FNDC1: variants seen among roughly 807,000 people sequenced by gnomAD.
FNDC1 encodes the protein fibronectin type III domain containing 1.
A neutral mutation model predicts 168.0 loss-of-function variants in FNDC1; 96 were observed. The observed-to-expected ratio is 0.57, with a 90% CI of 0.48 to 0.68. The LOEUF is 0.68. Ranked by LOEUF, FNDC1 falls within the 30% of genes least tolerant of loss-of-function variation. The pLI, the probability that FNDC1 is intolerant of heterozygous loss-of-function variation, is 0.00. For missense variants in FNDC1, 2,587 were observed against 2,482.1 expected (o/e 1.04, Z -0.90); for synonymous variants, 1,099 against 1,025.9 (o/e 1.07, Z -1.36).
At chr6:159,220,029 A>G (rs1004992790) in intron 5 of FNDC1, among the ~76,000 whole-genome samples, 2 of 152,164 alleles carry the variant, frequency 1.3e-5, no homozygotes, top group Non-Finnish European at 2.9e-5. Flanking sequence ...CCCTTTTATA[A>G]AACATTTTAA....
At chr6:159,238,097 C>CT (rs61358656) in intron 12 of FNDC1, among the ~76,000 whole-genome samples, 96 of 135,082 alleles carry the variant, frequency 7.1e-4, no homozygotes, top group East Asian at 6.8e-3. Context: ...CTGTTTTGTA[C>CT]TTTTTTTTTT....
At chr6:159,210,822 C>T (rs442580) in intron 4 of FNDC1, among the ~76,000 whole-genome samples, 48,701 of 152,036 alleles carry the variant, frequency 0.32, 9,084 homozygotes, top group African/African-American at 0.53. Context: ...TATCAGCAGC[C>T]GACCTTCACT....
At chr6:159,266,350 C>T (rs1490019349) in intron 21 of FNDC1, 105 bp downstream of exon 21, 18 of 1,184,746 alleles carry the variant, frequency 1.5e-5, no homozygotes, top group Non-Finnish European at 2.0e-5. Context: ...AGGGCTGGAG[C>T]TACGACTATG....
In FNDC1 at chr6:159,225,563, G is replaced by T. The variant is rs767679989; in HGVS notation, c.913G>T (p.Gly305Trp). 12 of 1,613,634 alleles carry T rather than the reference G, an allele frequency of 7.4e-6. No individual in the cohort carries two copies. Among genetic ancestry groups the T allele is most frequent in the Non-Finnish European group, 4.2e-6 (5 of 1,179,688 alleles). ...GTACACCGTGCGCTATCGAGAGAAG[G>T]GGGAATTGGCCAGGTGGGATTATAA... ...RQYTVRYREKGELARWDYKQI... is the reference protein window; with the variant it reads ...RQYTVRYREKWELARWDYKQI... The change falls in exon 8 of 23, where the codon GGG (glycine) becomes TGG (tryptophan). Residue 305 changes from glycine to tryptophan, a missense_variant. Coordinates refer to ENST00000297267, the MANE Select transcript of FNDC1 (RefSeq NM_032532.3).
chr6:159,217,785 A>G (rs1377608745), intron 5 of FNDC1, among the ~76,000 whole-genome samples: 1 of 152,150 alleles, frequency 6.6e-6, no homozygotes, highest in Non-Finnish European at 1.5e-5. Flanking sequence ...GAGACCAGCC[A>G]CCCCTCTGTT....
At chr6:159,171,238 G>T (rs1448916655) in intron 1 of FNDC1, among the ~76,000 whole-genome samples, 4 of 152,156 alleles carry the variant, frequency 2.6e-5, no homozygotes, top group African/African-American at 7.2e-5. Context: ...CTGTGTTGAC[G>T]TGGGATCTAC....
In FNDC1 at chr6:159,233,416, G is replaced by A; in HGVS notation, c.2904G>A (p.Gln968=). ...ADTEGHSPKA[Q]PGSTDRHASP... ...CGGAGGGTCATTCTCCCAAAGCACAGCCAGGGTCCACAGACCGCCACGCGT... is the reference window on the plus strand; with the variant it reads ...CGGAGGGTCATTCTCCCAAAGCACAACCAGGGTCCACAGACCGCCACGCGT... Residue 968 remains glutamine, a synonymous_variant, in exon 11 of 23, where the codon CAG becomes CAA. Coordinates refer to ENST00000297267, the MANE Select transcript of FNDC1 (RefSeq NM_032532.3). The surrounding 1 kb of genome is among the most constrained non-coding windows in gnomAD (Gnocchi z 4.6). 2 of 1,612,606 alleles carry A rather than the reference G, an allele frequency of 1.2e-6. No homozygotes were observed. The highest frequency in any genetic ancestry group is 1.7e-6 in the Non-Finnish European group (2 of 1,179,672).
intron 5 of FNDC1, among the ~76,000 whole-genome samples, chr6:159,217,802 G>A (rs1782737439): frequency 6.6e-6 from 1 of 152,234 alleles, no homozygotes; most frequent in Non-Finnish European, 1.5e-5. Context: ...TGTTGCAGCG[G>A]CATGTGAAAT....
intron 12 of FNDC1, 105 bp downstream of exon 12, chr6:159,236,420 C>T (rs1415338908): frequency 1.3e-6 from 1 of 760,700 alleles, no homozygotes; most frequent in East Asian, 2.7e-5. Flanking sequence ...GTTTGTTCTT[C>T]TTCTCTAGTT....
chr6:159,269,609 A>G lies in FNDC1; in HGVS notation c.5569+1683A>G, dbSNP rs200056535. On this transcript the variant is annotated intron_variant, in intron 22 of 22. Coordinates refer to ENST00000297267, the MANE Select transcript of FNDC1 (RefSeq NM_032532.3). ...TGTCTGTCTGTCTGTCTATCTATCTATCTATCTATCTATCTATCTATCTAT... is the reference window on the plus strand; with the variant it reads ...TGTCTGTCTGTCTGTCTATCTATCTGTCTATCTATCTATCTATCTATCTAT... Among the ~76,000 whole-genome samples, 615 of 138,624 alleles carry G rather than the reference A, an allele frequency of 4.4e-3. 1 individual carries two copies. Among genetic ancestry groups the G allele is most frequent in the African/African-American group, 9.8e-3 (347 of 35,332 alleles). The allele number at this position is 138,624 out of a possible 152,430, so 90.9% of individuals were successfully genotyped here.
intron 1 of FNDC1, among the ~76,000 whole-genome samples, chr6:159,193,386 G>A (rs1782179017): frequency 6.6e-6 from 1 of 152,092 alleles, no homozygotes; most frequent in Admixed American, 6.6e-5. Context: ...AGCATTTCAT[G>A]GTCTTCATTA....
intron 1 of FNDC1, among the ~76,000 whole-genome samples, chr6:159,191,511 T>C (rs1358187679): frequency 6.6e-6 from 1 of 152,260 alleles, no homozygotes; most frequent in African/African-American, 2.4e-5. Flanking sequence ...TATTTGGTTT[T>C]ACCTATTCAA....
chr6:159,183,496 G>A (rs1781925499), intron 1 of FNDC1, among the ~76,000 whole-genome samples: 1 of 152,216 alleles, frequency 6.6e-6, no homozygotes. Flanking sequence ...AGCCAGGCTG[G>A]AGTTGGGAAT....
At chr6:159,227,450 C>T (rs1782976412) in intron 9 of FNDC1, among the ~76,000 whole-genome samples, 1 of 152,090 alleles carries the variant, frequency 6.6e-6, no homozygotes, top group Non-Finnish European at 1.5e-5. Flanking sequence ...CTACTAGTCT[C>T]CTTTGAGAAT....
intron 4 of FNDC1, among the ~76,000 whole-genome samples, chr6:159,207,213 C>A (rs1424811283): frequency 6.6e-6 from 1 of 152,148 alleles, no homozygotes; most frequent in African/African-American, 2.4e-5. Context: ...AAATCACAGG[C>A]ATTTCACGTG....
intron 1 of FNDC1, among the ~76,000 whole-genome samples, chr6:159,195,487 G>T (rs1189363054): frequency 6.6e-6 from 1 of 152,096 alleles, no homozygotes; most frequent in African/African-American, 2.4e-5. Flanking sequence ...CAGTGGATAT[G>T]GTCATCGATC....
intron 1 of FNDC1, 91 bp from the exon 2 acceptor site, chr6:159,197,340 A>G: frequency 8.4e-7 from 1 of 1,194,488 alleles, no homozygotes; most frequent in South Asian, 1.5e-5. Flanking sequence ...AACGTCATTT[A>G]CTGTTTTCCT....
Position 159,231,920 on chromosome 6 carries a change from G to C in FNDC1, c.1408G>C (p.Gly470Arg), listed in dbSNP as rs1046247420. 5.0e-6 allele frequency: 8 copies of C among 1,612,622 alleles called. No individual in the cohort carries two copies. Among genetic ancestry groups the C allele is most frequent in the Non-Finnish European group, 6.8e-6 (8 of 1,179,554 alleles). Reference sequence around the variant, plus strand: ...TGTTGAGCAGAACACGGAGGACAATGGGAAACCCGAAAAACCTGAGCCTTC... The same window carrying C: ...TGTTGAGCAGAACACGGAGGACAATCGGAAACCCGAAAAACCTGAGCCTTC... ...ADVEQNTEDN[G>R]KPEKPEPSSP... The change falls in exon 11 of 23, where the codon GGG becomes CGG. Residue 470 changes from glycine (G) to arginine (R), a missense_variant. Physicochemically the swap from Gly to Arg is moderately radical, Grantham distance 125 (BLOSUM62 -2). Coordinates refer to ENST00000297267, the MANE Select transcript of FNDC1 (RefSeq NM_032532.3).
intron 1 of FNDC1, among the ~76,000 whole-genome samples, chr6:159,196,631 A>C (rs531370986): frequency 1.4e-4 from 22 of 152,284 alleles, no homozygotes; most frequent in African/African-American, 4.6e-4. Flanking sequence ...TTTCAGTTCC[A>C]GGTTTGCCCT....
Sources: gnomAD v4.1 joint callset for allele counts (sites outside exome capture counted in the v4.1 genomes callset) on GRCh38, gnomAD v4.1.1 for gene constraint, Gnocchi (gnomAD v3.1) non-coding constraint, MANE v1.5 for transcripts, NCBI Gene and HGNC (gene_info 2026-07-23, HGNC 2026-07-21) for gene names.